Variants in DLG2 observed in about 807,000 individuals in gnomAD.
DLG2 encodes disks large homolog 2.
DLG2 carries 45 observed loss-of-function variants against 132.5 expected under a neutral mutation model. That is an observed-to-expected ratio of 0.34 (90% CI 0.27 to 0.44). DLG2 has a LOEUF of 0.44. Among genes scored for constraint, DLG2 ranks in the 20% least tolerant of loss-of-function variants. The probability of loss-of-function intolerance (pLI) is 1.00; values close to 1 mark genes in which losing one functional copy is unlikely to be tolerated. For synonymous variants in DLG2, 424 were observed against 419.6 expected (o/e 1.01, Z -0.13); for missense variants, 1,045 against 1,196.9 (o/e 0.87, Z 1.87).
At chr11:83,977,334 G>C (rs116109713) in intron 12 of DLG2, among the ~76,000 whole-genome samples, 1,916 of 152,024 alleles carry the variant, frequency 0.013, 31 homozygotes, top group African/African-American at 0.044. Flanking sequence ...GCTGCTTTTG[G>C]CATCAAGAGT....
chr11:84,284,731 G>A (rs1220577481), intron 7 of DLG2, among the ~76,000 whole-genome samples: 1 of 152,152 alleles, frequency 6.6e-6, no homozygotes, highest in Non-Finnish European at 1.5e-5. Flanking sequence ...ATTCTCTACT[G>A]GACTTTCTTG....
At chr11:85,100,358 T>G (rs1030474191) in intron 6 of DLG2, among the ~76,000 whole-genome samples, 14 of 152,150 alleles carry the variant, frequency 9.2e-5, no homozygotes, top group Non-Finnish European at 2.9e-5. Flanking sequence ...TTATATGTTG[T>G]CTCTAATTCT....
chr11:84,387,533 A>T (rs2098775714), intron 7 of DLG2, among the ~76,000 whole-genome samples: 1 of 152,148 alleles, frequency 6.6e-6, no homozygotes, highest in South Asian at 2.1e-4. Flanking sequence ...ATATAGAAAC[A>T]TGTCTAAACA....
intron 3 of DLG2, among the ~76,000 whole-genome samples, chr11:85,508,127 T>C (rs1325932515): frequency 2.6e-5 from 4 of 152,154 alleles, no homozygotes; most frequent in Non-Finnish European, 4.4e-5. Context: ...TCAAGGTTTT[T>C]AGCTTATTTG....
intron 7 of DLG2, among the ~76,000 whole-genome samples, chr11:84,525,108 G>C (rs988355172): frequency 6.6e-6 from 1 of 152,036 alleles, no homozygotes; most frequent in Non-Finnish European, 1.5e-5. Flanking sequence ...ATATGGTGGT[G>C]GTGGACCTGT....
intron 19 of DLG2, among the ~76,000 whole-genome samples, chr11:83,599,415 ACGTCTGATTGGACAACTATCTAT>A (rs1199684281): frequency 6.6e-6 from 1 of 152,002 alleles, no homozygotes; most frequent in Non-Finnish European, 1.5e-5. Flanking sequence ...GAAAACTGTT[ACGTCTGATTGGACAACTATCTAT>A]CGCCTCCCTC....
chr11:84,224,030 G>T (rs776412668), intron 8 of DLG2, among the ~76,000 whole-genome samples: 1 of 152,168 alleles, frequency 6.6e-6, no homozygotes, highest in Non-Finnish European at 1.5e-5. Flanking sequence ...GCAGAAAGAC[G>T]TAGAGGGTGG....
chr11:84,297,475 T>C (rs906838160), intron 7 of DLG2, among the ~76,000 whole-genome samples: 2 of 152,176 alleles, frequency 1.3e-5, no homozygotes, highest in East Asian at 1.9e-4. Flanking sequence ...ATTTAATCCA[T>C]CCTTTTTGCT....
At chr11:84,539,091 C>A (rs1393789078) in intron 6 of DLG2, among the ~76,000 whole-genome samples, 1 of 152,098 alleles carries the variant, frequency 6.6e-6, no homozygotes, top group African/African-American at 2.4e-5. Context: ...ATAATACCAG[C>A]TACAGTTAAT....
At chr11:84,129,298 G>A (rs1383127755) in intron 9 of DLG2, among the ~76,000 whole-genome samples, 1 of 152,074 alleles carries the variant, frequency 6.6e-6, no homozygotes. Flanking sequence ...AGCTTTAAGA[G>A]GATGGCAGCA....
chr11:83,889,148 C>A (rs1374560000), intron 15 of DLG2, among the ~76,000 whole-genome samples: 4 of 152,074 alleles, frequency 2.6e-5, no homozygotes, highest in African/African-American at 9.7e-5. Context: ...GCAAAAGAAA[C>A]TACCATCAGA....
At chr11:83,792,519 T>C (rs1480739180) in intron 17 of DLG2, among the ~76,000 whole-genome samples, 1 of 152,172 alleles carries the variant, frequency 6.6e-6, no homozygotes, top group Admixed American at 6.5e-5. Flanking sequence ...TGGTTTCTTG[T>C]ATATACTACT....
chr11:83,499,588 T>C (rs1476961272), intron 21 of DLG2, among the ~76,000 whole-genome samples: 2 of 151,428 alleles, frequency 1.3e-5, no homozygotes, highest in African/African-American at 4.8e-5. Flanking sequence ...TGATTGCTTT[T>C]TTTTTCCCTT....
At chr11:83,881,885 A>G (rs1344356755) in intron 15 of DLG2, among the ~76,000 whole-genome samples, 1 of 152,234 alleles carries the variant, frequency 6.6e-6, no homozygotes, top group Non-Finnish European at 1.5e-5. Flanking sequence ...CTCTATCAAG[A>G]GTAAGTTTTC....
chr11:85,365,880 C>T (rs1349085353), intron 3 of DLG2, among the ~76,000 whole-genome samples: 7 of 152,060 alleles, frequency 4.6e-5, no homozygotes, highest in Admixed American at 4.6e-4. Flanking sequence ...GGGAGTTGAA[C>T]AATGAGAACA....
intron 7 of DLG2, among the ~76,000 whole-genome samples, chr11:84,495,532 T>C (rs2099179906): frequency 6.6e-6 from 1 of 152,174 alleles, no homozygotes; most frequent in Admixed American, 6.5e-5. Flanking sequence ...ACCAGGTCAT[T>C]AGTTACCTGA....
At chr11:83,951,896 T>C (rs2085532692) in intron 14 of DLG2, among the ~76,000 whole-genome samples, 1 of 152,158 alleles carries the variant, frequency 6.6e-6, no homozygotes, top group African/African-American at 2.4e-5. Context: ...GTGCTGGTAG[T>C]GGAATGTGGC....
chr11:85,241,095 T>C lies in DLG2; in HGVS notation c.186+44125A>G, dbSNP rs572103483. Reference sequence around the variant, plus strand: ...GCTTTTTAATAAAGTTTTATACCTTTGTATACATTCTTGCACAGTTTTGGT... The same window carrying C: ...GCTTTTTAATAAAGTTTTATACCTTCGTATACATTCTTGCACAGTTTTGGT... On this transcript the variant is annotated intron_variant, in intron 4 of 27. Transcript: ENST00000376104. Among the ~76,000 whole-genome samples, 4 of 151,906 alleles carry C rather than the reference T, an allele frequency of 2.6e-5. No homozygotes were observed. In the South Asian group the frequency reaches 8.3e-4, roughly 31 times the overall value.
intron 7 of DLG2, among the ~76,000 whole-genome samples, chr11:84,511,750 G>A (rs1269840213): frequency 6.6e-6 from 1 of 152,132 alleles, no homozygotes; most frequent in Non-Finnish European, 1.5e-5. Flanking sequence ...CTCTGCCTCA[G>A]TGCTTTCAAG....
Sources: allele counts gnomAD v4.1 joint callset (sites outside exome capture counted in the v4.1 genomes callset), GRCh38; gene constraint gnomAD v4.1.1; transcripts MANE v1.5; gene names NCBI Gene and HGNC (gene_info 2026-07-23, HGNC 2026-07-21).